The following AZIN2 variants were observed in gnomAD, a reference collection of about 807,000 sequenced individuals.
AZIN2 encodes ODC antizyme inhibitor-2.
Under a neutral mutation model 47.8 loss-of-function variants are expected in AZIN2, and 28 were observed. That is an observed-to-expected ratio of 0.59 (90% CI 0.43 to 0.80). AZIN2 has a LOEUF of 0.80. AZIN2 is among the 30% of genes least tolerant of loss of function. The pLI, the probability that AZIN2 is intolerant of heterozygous loss-of-function variation, is 0.00. For missense variants in AZIN2, 535 were observed against 582.5 expected (o/e 0.92, Z 0.84); for synonymous variants, 221 against 239.4 (o/e 0.92, Z 0.71).
the AZIN2 span, chr1:33,142,931 G>A: frequency 7.9e-5 from 12 of 152,220 alleles, no homozygotes; most frequent in African/African-American, 2.4e-4. Flanking sequence ...GGCGTGTCTC[G>A]ATGGTTAGAT....
the AZIN2 span, among the ~76,000 whole-genome samples, chr1:33,135,279 C>A: frequency 9.2e-5 from 14 of 152,074 alleles, no homozygotes; most frequent in African/African-American, 3.1e-4. Flanking sequence ...CAGAGCAAGA[C>A]TCTCTCAAAA....
chr1:33,101,301 A>G (rs566570043), intron 10 of AZIN2, among the ~76,000 whole-genome samples: 1 of 152,228 alleles, frequency 6.6e-6, no homozygotes, highest in South Asian at 2.1e-4. Flanking sequence ...AGCCTCCCAA[A>G]GTGCTGGGAT....
chr1:33,155,025 A>G, the AZIN2 span, among the ~76,000 whole-genome samples: 3 of 145,604 alleles, frequency 2.1e-5, no homozygotes, highest in East Asian at 2.3e-4. Context: ...CCCGGGAGGC[A>G]GACCTTGCAG....
chr1:33,103,013 T>C (rs560659136), intron 10 of AZIN2, among the ~76,000 whole-genome samples: 1 of 152,298 alleles, frequency 6.6e-6, no homozygotes, highest in East Asian at 1.9e-4. Flanking sequence ...AGTTCCAAAA[T>C]ACATTTTGGT....
chr1:33,086,653 G>A (rs976976061), intron 5 of AZIN2, among the ~76,000 whole-genome samples: 2 of 152,214 alleles, frequency 1.3e-5, no homozygotes, highest in Non-Finnish European at 2.9e-5. Context: ...GCGTTGGACG[G>A]GGGCCAGGGC....
At chr1:33,140,183 T>C in the AZIN2 span, among the ~76,000 whole-genome samples, 2 of 152,124 alleles carry the variant, frequency 1.3e-5, no homozygotes, top group African/African-American at 4.8e-5. The surrounding 1 kb of genome is among the most constrained non-coding windows in gnomAD (Gnocchi z 4.0). Context: ...CTGTCCCTCT[T>C]GTTCAGCCGA....
chr1:33,089,030 A>G (rs577422710), intron 5 of AZIN2, among the ~76,000 whole-genome samples: 36 of 152,288 alleles, frequency 2.4e-4, no homozygotes, highest in Middle Eastern at 6.8e-3. Flanking sequence ...TGGCAACTCA[A>G]TAGATGCTCA....
chr1:33,129,858 T>G, the AZIN2 span, among the ~76,000 whole-genome samples: 1 of 152,074 alleles, frequency 6.6e-6, no homozygotes, highest in African/African-American at 2.4e-5. This position sits in a 1 kb window ranked among gnomAD's most constrained non-coding sequence, Gnocchi z 4.1. Flanking sequence ...GCTTTGCACA[T>G]TATTTATTTA....
rs1644799091 is a variant in AZIN2 at position 33,121,725 on chromosome 1, T to C, written c.*1543T>C. 6.6e-6 allele frequency among the ~76,000 whole-genome samples: 1 copy of C among 152,228 alleles called. No individual in the cohort carries two copies. The highest frequency in any genetic ancestry group is 1.5e-5 in the Non-Finnish European group (1 of 68,040). On this transcript the variant is annotated 3_prime_UTR_variant, in exon 12 of 12. Coordinates refer to ENST00000294517, the MANE Select transcript of AZIN2 (RefSeq NM_052998.4). ...TCCCCAGTCCCTGATGACACAAATC[T>C]ACCTTCCATCTCTATGGATTTGCTT...
At chr1:33,151,013 C>T in the AZIN2 span, among the ~76,000 whole-genome samples, 374 of 152,100 alleles carry the variant, frequency 2.5e-3, 2 homozygotes, top group Non-Finnish European at 4.5e-3. Context: ...AGGACTGGTG[C>T]GGGGCGGGGG....
intron 4 of AZIN2, chr1:33,083,332 T>A (rs1250878465): frequency 3.2e-5 from 5 of 157,072 alleles, no homozygotes; most frequent in Non-Finnish European, 5.7e-5. Context: ...TTAAGTAATG[T>A]GGTCTCACCC....
intron 5 of AZIN2, 83 bp downstream of exon 5, chr1:33,084,210 G>T: frequency 3.2e-6 from 5 of 1,540,624 alleles, no homozygotes; most frequent in Non-Finnish European, 4.4e-6. Flanking sequence ...GGGCTCTGGG[G>T]AGCAAGAGGT....
the AZIN2 span, chr1:33,147,623 G>C: frequency 6.2e-7 from 1 of 1,614,082 alleles, no homozygotes; most frequent in Non-Finnish European, 8.5e-7. The surrounding 1 kb of genome is among the most constrained non-coding windows in gnomAD (Gnocchi z 8.1). Context: ...GGCGAGTCCT[G>C]CAGTGGCTGT....
chr1:33,159,768 C>T, the AZIN2 span: 1 of 1,613,730 alleles, frequency 6.2e-7, no homozygotes, highest in African/African-American at 1.3e-5. This position sits in a 1 kb window ranked among gnomAD's most constrained non-coding sequence, Gnocchi z 4.2. Context: ...TCTGGGCTCC[C>T]TCCTGGACCT....
chr1:33,139,008 C>T, the AZIN2 span, among the ~76,000 whole-genome samples: 1 of 152,188 alleles, frequency 6.6e-6, no homozygotes, highest in Admixed American at 6.5e-5. Context: ...AAAATGCCTG[C>T]AAGACTCGCA....
the AZIN2 span, among the ~76,000 whole-genome samples, chr1:33,144,309 G>C: frequency 6.6e-6 from 1 of 152,118 alleles, no homozygotes; most frequent in Non-Finnish European, 1.5e-5. Context: ...GGCTAATTTT[G>C]TATTTTTTAG....
chr1:33,082,161 C>A lies in AZIN2; in HGVS notation c.-72-17C>A. On this transcript the variant is annotated splice_polypyrimidine_tract_variant and intron_variant, in intron 3 of 11. Coordinates refer to ENST00000294517, the MANE Select transcript of AZIN2 (RefSeq NM_052998.4). The stretch of plus-strand genomic sequence containing the variant: ...CCGGCCCCCCAGCGGTTCCCTTCAT[C>A]TCCCCTCGCCCCGCAGTGTGTTGCA... 1 of 1,133,830 alleles carries A rather than the reference C, an allele frequency of 8.8e-7. No individual in the cohort carries two copies. 70.2% of individuals were successfully genotyped at this position (1,133,830 alleles called of 1,614,324 possible). A position where few individuals can be genotyped will look rare whatever the true frequency, so the allele number is the denominator to read the frequency against.
At chr1:33,129,283 C>A in the AZIN2 span, among the ~76,000 whole-genome samples, 3 of 152,074 alleles carry the variant, frequency 2.0e-5, no homozygotes, top group African/African-American at 7.2e-5. The surrounding 1 kb of genome is among the most constrained non-coding windows in gnomAD (Gnocchi z 4.1). Flanking sequence ...TTCATCATAT[C>A]CCTCCTAACT....
downstream of AZIN2, among the ~76,000 whole-genome samples, chr1:33,128,228 G>T (rs1570253618): frequency 7.0e-6 from 1 of 142,468 alleles, no homozygotes; most frequent in Non-Finnish European, 1.5e-5. Context: ...AAAAAAATCA[G>T]CCAGGCGTGG....
Sources: gnomAD v4.1 joint callset for allele counts (sites outside exome capture counted in the v4.1 genomes callset) on GRCh38, gnomAD v4.1.1 for gene constraint, Gnocchi (gnomAD v3.1) non-coding constraint, MANE v1.5 for transcripts, NCBI Gene and HGNC (gene_info 2026-07-23, HGNC 2026-07-21) for gene names.